Variants in LGSN observed in about 807,000 individuals in gnomAD.
LGSN encodes the protein lengsin.
In LGSN, 21 loss-of-function variants were observed where a neutral mutation model predicts 19.5. The ratio of observed to expected loss-of-function variants is 1.07; its 90% confidence interval spans 0.76 to 1.55. The LOEUF is 1.55. Ranked by LOEUF, LGSN falls within the 40% of genes most tolerant of loss-of-function variation. LGSN has a pLI of 0.00. For missense variants in LGSN, 673 were observed against 608.5 expected, an observed-to-expected ratio of 1.11 and a Z score of -1.12; for synonymous variants, 257 against 215.6, an observed-to-expected ratio of 1.19 and a Z score of -1.68.
the LGSN span, chr6:63,549,165 A>G: frequency 1.5e-6 from 1 of 686,058 alleles, no homozygotes. Flanking sequence ...GGCCAGGGCC[A>G]ACAGCCTCTG....
chr6:63,367,765 A>G, the LGSN span, among the ~76,000 whole-genome samples: 1 of 150,880 alleles, frequency 6.6e-6, no homozygotes, highest in Non-Finnish European at 1.5e-5. Flanking sequence ...GCAGCCATAA[A>G]AAAGGATGAT....
chr6:63,572,599 GCCGCTCCGCCACGACCACCGCCGCCT>G, the LGSN span: 1 of 418,054 alleles, frequency 2.4e-6, no homozygotes, highest in Non-Finnish European at 4.1e-6. Context: ...CGCCGCCACC[GCCGCTCCGCCACGACCACCGCCGCCT>G]CCTGCCCTGC....
intron 1 of LGSN, among the ~76,000 whole-genome samples, chr6:63,312,215 G>A (rs1253717084): frequency 1.3e-5 from 2 of 152,190 alleles, no homozygotes; most frequent in African/African-American, 2.4e-5. Context: ...AGATGCTTAG[G>A]TCAATTCTAT....
chr6:63,445,350 G>T, the LGSN span, among the ~76,000 whole-genome samples: 61 of 152,174 alleles, frequency 4.0e-4, no homozygotes, highest in African/African-American at 1.5e-3. Flanking sequence ...AGGCACGGTG[G>T]CTCACGCCTG....
At chr6:63,335,638 T>G in the LGSN span, among the ~76,000 whole-genome samples, 1 of 152,112 alleles carries the variant, frequency 6.6e-6, no homozygotes, top group Non-Finnish European at 1.5e-5. Context: ...CCACTTAGAA[T>G]GGCTATTGTC....
chr6:63,503,740 C>A, the LGSN span, among the ~76,000 whole-genome samples: 23 of 152,178 alleles, frequency 1.5e-4, no homozygotes, highest in East Asian at 4.2e-3. Context: ...CATGGTGAAA[C>A]CCCGCCTCTA....
At chr6:63,376,944 AATAT>A in the LGSN span, among the ~76,000 whole-genome samples, 1 of 152,194 alleles carries the variant, frequency 6.6e-6, no homozygotes, top group South Asian at 2.1e-4. Context: ...ACAAAAGAAA[AATAT>A]AGTATTTGAA....
chr6:63,353,145 G>T, the LGSN span, among the ~76,000 whole-genome samples: 1 of 152,132 alleles, frequency 6.6e-6, no homozygotes, highest in African/African-American at 2.4e-5. Context: ...ATTGGTTATT[G>T]AATGTTTTAA....
chr6:63,501,340 C>T, the LGSN span, among the ~76,000 whole-genome samples: 2 of 141,810 alleles, frequency 1.4e-5, no homozygotes, highest in African/African-American at 2.7e-5. Flanking sequence ...CTAGCCTGGG[C>T]GACAAGAACA....
the LGSN span, among the ~76,000 whole-genome samples, chr6:63,467,888 C>T: frequency 6.6e-6 from 1 of 152,150 alleles, no homozygotes; most frequent in East Asian, 1.9e-4. Context: ...AATGGCGTCT[C>T]ACCATGTTGG....
At chr6:63,310,944 A>G (rs1422131512) in intron 1 of LGSN, among the ~76,000 whole-genome samples, 1 of 152,176 alleles carries the variant, frequency 6.6e-6, no homozygotes, top group Non-Finnish European at 1.5e-5. Flanking sequence ...TTCTCAAAAC[A>G]CTTTCCTAAT....
chr6:63,388,024 C>A, the LGSN span, among the ~76,000 whole-genome samples: 1 of 151,730 alleles, frequency 6.6e-6, no homozygotes, highest in South Asian at 2.1e-4. Context: ...CACCATCATG[C>A]CCAGCTAATT....
chr6:63,499,525 CT>C, the LGSN span, among the ~76,000 whole-genome samples: 1 of 152,014 alleles, frequency 6.6e-6, no homozygotes, highest in African/African-American at 2.4e-5. Flanking sequence ...ATAGTAGGTT[CT>C]TTGGATAATA....
the LGSN span, among the ~76,000 whole-genome samples, chr6:63,371,941 A>G: frequency 2.6e-5 from 4 of 152,154 alleles, no homozygotes; most frequent in African/African-American, 4.8e-5. Context: ...AGTATTCTCA[A>G]ATCTTTTCAT....
intron 3 of LGSN, among the ~76,000 whole-genome samples, chr6:63,281,572 T>C (rs916086044): frequency 3.3e-5 from 5 of 151,970 alleles, no homozygotes; most frequent in South Asian, 2.1e-4. Flanking sequence ...TTATTTGAAA[T>C]TATCATCATC....
At chr6:63,328,434 T>G in the LGSN span, among the ~76,000 whole-genome samples, 448 of 152,334 alleles carry the variant, frequency 2.9e-3, 3 homozygotes, top group African/African-American at 0.01. Context: ...CTAAGTAGGT[T>G]GTTGTCTGAT....
chr6:63,563,456 C>T, the LGSN span, among the ~76,000 whole-genome samples: 3 of 152,172 alleles, frequency 2.0e-5, no homozygotes, highest in African/African-American at 7.2e-5. Flanking sequence ...GTGATTCATT[C>T]TCATCATTTA....
chr6:63,276,391 C>A lies in LGSN; in HGVS notation c.*3630G>T, dbSNP rs1165505495. 6.6e-6 allele frequency: 1 copy of A among 151,992 alleles called. No individual in the cohort carries two copies. The allele number at this position is 151,992 out of a possible 1,614,324, so 9.4% of individuals were successfully genotyped here. Reference sequence around the variant, plus strand: ...CCTTGAAAATAGAAACTTGTTACTACAATACTAATGTTTTAATTTCTAGTC... The same window carrying A: ...CCTTGAAAATAGAAACTTGTTACTAAAATACTAATGTTTTAATTTCTAGTC... On this transcript the variant is annotated 3_prime_UTR_variant, in exon 4 of 4. Transcript: ENST00000370657.
the LGSN span, among the ~76,000 whole-genome samples, chr6:63,470,157 C>T: frequency 6.6e-6 from 1 of 151,882 alleles, no homozygotes; most frequent in Admixed American, 6.6e-5. Flanking sequence ...GGAAGGAAGG[C>T]AGGCAGGCAG....
Sources: allele counts gnomAD v4.1 joint callset (sites outside exome capture counted in the v4.1 genomes callset), GRCh38; gene constraint gnomAD v4.1.1; transcripts MANE v1.5; gene names NCBI Gene and HGNC (gene_info 2026-07-23, HGNC 2026-07-21).